Variants in CDH13 observed in about 807,000 individuals in gnomAD.
The protein encoded by CDH13 is cadherin-13.
CDH13 carries 24 observed loss-of-function variants against 63.8 expected under a neutral mutation model. The observed-to-expected ratio is 0.38, with a 90% CI of 0.27 to 0.53. The LOEUF (loss-of-function observed/expected upper bound fraction) is 0.53. CDH13 is among the 20% of genes least tolerant of loss of function. The probability of loss-of-function intolerance (pLI) is 0.85; values close to 1 mark genes in which losing one functional copy is unlikely to be tolerated. For missense variants in CDH13, 1,049 were observed against 903.1 expected (o/e 1.16, Z -2.07); for synonymous variants, 503 against 355.3 (o/e 1.42, Z -4.67).
intron 2 of CDH13, among the ~76,000 whole-genome samples, chr16:82,950,938 G>A (rs1905229479): frequency 6.6e-6 from 1 of 152,028 alleles, no homozygotes; most frequent in South Asian, 2.1e-4. Context: ...TCTGGGCACT[G>A]CAATGTGTGA....
At chr16:82,883,494 A>T (rs533376185) in intron 2 of CDH13, among the ~76,000 whole-genome samples, 2 of 152,320 alleles carry the variant, frequency 1.3e-5, no homozygotes, top group African/African-American at 4.8e-5. Context: ...CATGTTTTCC[A>T]TCGACTATCT....
At position 83,014,759 on chromosome 16, in the gene CDH13, T is replaced by C. The variant is rs1247535858; in HGVS notation, c.158-17251T>C. 3.9e-4 allele frequency among the ~76,000 whole-genome samples: 19 copies of C among 48,858 alleles called. 1 individual carries two copies. The highest frequency in any genetic ancestry group is 1.3e-3 in the African/African-American group (18 of 14,330). The allele number at this position is 48,858 out of a possible 152,430, so 32.1% of individuals were successfully genotyped here. A position where few individuals can be genotyped will look rare whatever the true frequency, so the allele number is the denominator to read the frequency against. On this transcript the variant is annotated intron_variant, in intron 2 of 13. Transcript: ENST00000567109. ...AAAAAAAAAAATATATATATATATA[T>C]ATATATATATATATATGTATATATA... is the stretch of plus-strand genomic sequence containing the variant.
At chr16:82,896,081 A>G (rs2041245749) in intron 2 of CDH13, among the ~76,000 whole-genome samples, 1 of 152,012 alleles carries the variant, frequency 6.6e-6, no homozygotes, top group South Asian at 2.1e-4. Flanking sequence ...TATGTTGTTT[A>G]TATAATATTT....
chr16:82,983,310 CCTCCCAGCTT>C (rs2151389172), intron 2 of CDH13, among the ~76,000 whole-genome samples: 1 of 152,330 alleles, frequency 6.6e-6, no homozygotes, highest in Admixed American at 6.5e-5. Flanking sequence ...TCTCCCCGCT[CCTCCCAGCTT>C]CGTCCCCATT....
chr16:82,990,393 A>G (rs1031896219), intron 2 of CDH13: 6 of 152,090 alleles, frequency 3.9e-5, no homozygotes, highest in African/African-American at 1.4e-4. Context: ...AATCTCTCCC[A>G]TCTTTCTAGG....
chr16:83,711,165 C>T (rs1310926278), intron 10 of CDH13, among the ~76,000 whole-genome samples: 1 of 152,206 alleles, frequency 6.6e-6, no homozygotes, highest in Non-Finnish European at 1.5e-5. Context: ...TCTGTGACTT[C>T]AGATGCAGGG....
intron 1 of CDH13, among the ~76,000 whole-genome samples, chr16:82,660,985 A>G (rs1484438734): frequency 6.6e-6 from 1 of 152,200 alleles, no homozygotes; most frequent in Non-Finnish European, 1.5e-5. Flanking sequence ...AAACAAACCA[A>G]ACACCCACCA....
intron 7 of CDH13, among the ~76,000 whole-genome samples, chr16:83,507,570 C>G (rs1015383736): frequency 3.9e-5 from 6 of 152,096 alleles, no homozygotes; most frequent in Non-Finnish European, 7.4e-5. Flanking sequence ...GAAACGTTTC[C>G]AAAGGTGACT....
At chr16:82,705,039 G>C (rs1371521657) in intron 1 of CDH13, 4 of 422,888 alleles carry the variant, frequency 9.5e-6, no homozygotes, top group South Asian at 1.7e-5. Flanking sequence ...AAAATAAACG[G>C]TTTCTTCTTT....
rs1597716544 is a variant in CDH13 at position 83,309,058 on chromosome 16, C to T, written c.637-35804C>T. Among the ~76,000 whole-genome samples, 3 of 152,306 alleles carry T rather than the reference C, an allele frequency of 2.0e-5. No individual in the cohort carries two copies. In the South Asian group the frequency reaches 6.2e-4, roughly 32 times the overall value. ...TTATGCCTCAGTCCTCAGAACCACT[C>T]CTTACTGTGGCTTGGTGCTTGTCCC... On this transcript the variant is annotated intron_variant, in intron 5 of 13. Transcript: ENST00000567109.
chr16:83,241,663 A>G (rs1904463842), intron 5 of CDH13, among the ~76,000 whole-genome samples: 2 of 152,224 alleles, frequency 1.3e-5, no homozygotes, highest in East Asian at 3.9e-4. Context: ...CCCCTTGCCC[A>G]TTTTTTAATC....
rs140828245 is a variant in CDH13 at position 82,804,276 on chromosome 16, T to TACACAC, written c.46-54055_46-54050dup. ...TAGATCTCAGGTTAGGGGATCTTGC[T>TACACAC]ACACACACACACACACACACACACA... On this transcript the variant is annotated intron_variant, in intron 1 of 13. Coordinates refer to ENST00000567109, the MANE Select transcript of CDH13 (RefSeq NM_001257.5). 5.4e-3 allele frequency among the ~76,000 whole-genome samples: 730 copies of TACACAC among 135,098 alleles called. 6 individuals carry two copies. Among genetic ancestry groups the TACACAC allele is most frequent in the African/African-American group, 0.02 (679 of 33,488 alleles). 88.6% of individuals were successfully genotyped at this position (135,098 alleles called of 152,430 possible). A position where few individuals can be genotyped will look rare whatever the true frequency, so the allele number is the denominator to read the frequency against.
intron 6 of CDH13, among the ~76,000 whole-genome samples, chr16:83,406,658 G>C (rs1047681939): frequency 6.6e-6 from 1 of 152,046 alleles, no homozygotes; most frequent in African/African-American, 2.4e-5. Flanking sequence ...TAGAGATGGG[G>C]TTTCACCATA....
intron 5 of CDH13, among the ~76,000 whole-genome samples, chr16:83,321,313 G>A (rs893370928): frequency 2.0e-4 from 30 of 152,294 alleles, no homozygotes; most frequent in Middle Eastern, 3.4e-3. Context: ...TCGTGGCAAT[G>A]TGTACTTTAA....
chr16:83,747,269 G>A (rs1912670412), intron 10 of CDH13, among the ~76,000 whole-genome samples: 1 of 152,134 alleles, frequency 6.6e-6, no homozygotes. Context: ...TTATGGGAGG[G>A]ACCCTGTGGG....
intron 7 of CDH13, among the ~76,000 whole-genome samples, chr16:83,584,664 A>T (rs1159355421): frequency 6.6e-6 from 1 of 152,124 alleles, no homozygotes; most frequent in Non-Finnish European, 1.5e-5. Flanking sequence ...CTTCTGTAGG[A>T]TGTAGTGTTA....
At chr16:83,491,354 A>G (rs2074007261) in intron 7 of CDH13, among the ~76,000 whole-genome samples, 2 of 152,184 alleles carry the variant, frequency 1.3e-5, no homozygotes. Context: ...TTCTATAGCC[A>G]TACTTAGCCC....
At chr16:83,092,096 T>A (rs2033940831) in intron 3 of CDH13, among the ~76,000 whole-genome samples, 1 of 152,250 alleles carries the variant, frequency 6.6e-6, no homozygotes, top group Non-Finnish European at 1.5e-5. Flanking sequence ...AAATAATAAG[T>A]AATTCATATC....
intron 2 of CDH13, chr16:82,953,169 C>G (rs1421094678): frequency 6.6e-6 from 1 of 152,086 alleles, no homozygotes; most frequent in African/African-American, 2.4e-5. Flanking sequence ...TGGTGTAATC[C>G]AACCTCTCTT....
Sources: gnomAD v4.1 joint callset for allele counts (sites outside exome capture counted in the v4.1 genomes callset) on GRCh38, gnomAD v4.1.1 for gene constraint, MANE v1.5 for transcripts, NCBI Gene and HGNC (gene_info 2026-07-23, HGNC 2026-07-21) for gene names.